Variants in GPC5 observed in about 807,000 individuals in gnomAD.
The protein encoded by GPC5 is glypican 5.
Under a neutral mutation model 53.9 loss-of-function variants are expected in GPC5, and 47 were observed. The ratio of observed to expected loss-of-function variants is 0.87; its 90% CI spans 0.69 to 1.11. The LOEUF is 1.11. GPC5 is among the 50% of genes most tolerant of loss of function. The probability of loss-of-function intolerance (pLI) is 0.00; values close to 1 mark genes in which losing one functional copy is unlikely to be tolerated. For synonymous variants in GPC5, 286 were observed against 263.3 expected, an observed-to-expected ratio of 1.09 and a Z score of -0.84; for missense variants, 748 against 713.1, an observed-to-expected ratio of 1.05 and a Z score of -0.56.
rs1460348690 is a variant in GPC5, at chr13:91,836,300, T to C, written c.1281-71637T>C. On this transcript the variant is annotated intron_variant, in intron 5 of 7. Coordinates refer to ENST00000377067, the MANE Select transcript of GPC5 (RefSeq NM_004466.6). ...CCTCCATTCCTTTTCATTTAAACTT[T>C]TTGGTTTTCATTTGAGATTGTTTTA... is the stretch of plus-strand genomic sequence containing the variant. 8.5e-5 allele frequency among the ~76,000 whole-genome samples: 13 copies of C among 152,088 alleles called. No individual in the cohort carries two copies. The East Asian group carries it at 2.3e-3, about 27-fold the overall frequency.
chr13:91,486,358 A>T (rs1033968671), intron 2 of GPC5: 2 of 152,192 alleles, frequency 1.3e-5, no homozygotes, highest in Non-Finnish European at 2.9e-5. Context: ...TCTTAACTAG[A>T]CATTGGCCTT....
intron 7 of GPC5, among the ~76,000 whole-genome samples, chr13:92,258,143 G>C (rs982211410): frequency 2.0e-5 from 3 of 152,050 alleles, no homozygotes; most frequent in Admixed American, 6.6e-5. Flanking sequence ...AGACCTAAAT[G>C]CCTAGGCTTC....
rs544570887 is a variant in GPC5 at position 91,934,122 on chromosome 13, T to C, written c.1401+26065T>C. Among the ~76,000 whole-genome samples the C allele has an allele frequency of 1.8e-3, 277 of 152,046 alleles. 3 individuals carry two copies. Among genetic ancestry groups the C allele is most frequent in the African/African-American group, 6.2e-3 (258 of 41,536 alleles). ...TTTTAAAAGTGACAAAAGCCACTTT[T>C]ATGAAGTGGCTATAAAACTTCATAG... is the stretch of plus-strand genomic sequence containing the variant. On this transcript the variant is annotated intron_variant, in intron 6 of 7. Coordinates refer to ENST00000377067, the MANE Select transcript of GPC5 (RefSeq NM_004466.6).
chr13:92,348,628 A>G (rs1285515728), intron 7 of GPC5, among the ~76,000 whole-genome samples: 2 of 152,158 alleles, frequency 1.3e-5, no homozygotes, highest in African/African-American at 2.4e-5. Flanking sequence ...AGCATACACA[A>G]TATTCTCAAG....
chr13:91,926,652 G>T (rs1434454970), intron 6 of GPC5, among the ~76,000 whole-genome samples: 2 of 152,140 alleles, frequency 1.3e-5, no homozygotes, highest in Non-Finnish European at 2.9e-5. Flanking sequence ...CTACCCCTTT[G>T]GCTTAAGCAA....
intron 6 of GPC5, among the ~76,000 whole-genome samples, chr13:92,005,942 C>G (rs1240344088): frequency 2.0e-5 from 3 of 152,046 alleles, no homozygotes; most frequent in African/African-American, 7.3e-5. Context: ...TGTGTATTCT[C>G]AAAGAAACTA....
intron 7 of GPC5, among the ~76,000 whole-genome samples, chr13:92,679,044 G>A (rs775659609): frequency 6.6e-5 from 10 of 152,068 alleles, no homozygotes; most frequent in Non-Finnish European, 1.2e-4. Context: ...AGTTTGATGT[G>A]GGAAACAGGT....
At chr13:91,989,847 A>G (rs1192994092) in intron 6 of GPC5, among the ~76,000 whole-genome samples, 1 of 34,602 alleles carries the variant, frequency 2.9e-5, no homozygotes, top group Non-Finnish European at 5.4e-5. Flanking sequence ...TATTGACTAT[A>G]CAGTTATTAC....
At chr13:92,264,462 TTTGCAATGGAG>T (rs906747620) in intron 7 of GPC5, among the ~76,000 whole-genome samples, 9 of 151,974 alleles carry the variant, frequency 5.9e-5, no homozygotes, top group African/African-American at 2.2e-4. Context: ...AGTTTTTGGG[TTTGCAATGGAG>T]TTGCAAGAAG....
intron 7 of GPC5, among the ~76,000 whole-genome samples, chr13:92,392,557 T>C (rs1280870810): frequency 6.6e-6 from 1 of 152,080 alleles, no homozygotes; most frequent in East Asian, 1.9e-4. Context: ...ACAAGTGGGA[T>C]CTAATTCACC....
chr13:92,617,614 A>G (rs1190467251), intron 7 of GPC5, among the ~76,000 whole-genome samples: 1 of 152,042 alleles, frequency 6.6e-6, no homozygotes, highest in African/African-American at 2.4e-5. Flanking sequence ...CTTGATATGT[A>G]TTTATGATTT....
Position 91,693,888 on chromosome 13 carries a change from A to T in GPC5, c.1020+7A>T, listed in dbSNP as rs1181100103. The T allele has an allele frequency of 1.9e-6, 3 of 1,571,304 alleles. No homozygotes were observed. The highest frequency in any genetic ancestry group is 1.7e-5 in the Admixed American group (1 of 58,576). On this transcript the variant is annotated splice_region_variant and intron_variant, in intron 3 of 7. Coordinates refer to ENST00000377067, the MANE Select transcript of GPC5 (RefSeq NM_004466.6). ...ACAAAAATTATTGGAACAGGTAAGT[A>T]GGAGCTCCACATTTTCAGTCTGACT...
chr13:91,973,763 CGGTGGCTG>C (rs1269931060), intron 6 of GPC5, among the ~76,000 whole-genome samples: 6 of 152,122 alleles, frequency 3.9e-5, no homozygotes, highest in Non-Finnish European at 8.8e-5. Context: ...GTGTCAGCAG[CGGTGGCTG>C]CAGAACAGCG....
intron 7 of GPC5, among the ~76,000 whole-genome samples, chr13:92,352,953 T>C (rs868705743): frequency 2.6e-5 from 4 of 152,064 alleles, no homozygotes; most frequent in South Asian, 2.1e-4. Context: ...ATAGCAAAAG[T>C]CTAGAAACAA....
At chr13:92,594,818 G>C (rs1883817379) in intron 7 of GPC5, among the ~76,000 whole-genome samples, 1 of 152,164 alleles carries the variant, frequency 6.6e-6, no homozygotes, top group South Asian at 2.1e-4. Flanking sequence ...AACACAAGAG[G>C]CCCTTAACAT....
chr13:92,479,583 A>G (rs1276068361), intron 7 of GPC5, among the ~76,000 whole-genome samples: 4 of 152,192 alleles, frequency 2.6e-5, no homozygotes, highest in Non-Finnish European at 5.9e-5. Flanking sequence ...AGCTGCAGAC[A>G]TAGTTCCTCC....
intron 7 of GPC5, among the ~76,000 whole-genome samples, chr13:92,636,539 C>T (rs1293908700): frequency 4.6e-5 from 7 of 152,146 alleles, no homozygotes; most frequent in Non-Finnish European, 1.0e-4. Flanking sequence ...CAGAAAATTA[C>T]TTTGGCTGAG....
At chr13:91,730,729 G>T (rs970407649) in intron 4 of GPC5, among the ~76,000 whole-genome samples, 2 of 152,140 alleles carry the variant, frequency 1.3e-5, no homozygotes, top group Non-Finnish European at 2.9e-5. Flanking sequence ...GCTCTTTTGG[G>T]CTATTCTGTA....
intron 7 of GPC5, among the ~76,000 whole-genome samples, chr13:92,168,354 A>C (rs189821536): frequency 6.6e-6 from 1 of 152,340 alleles, no homozygotes; most frequent in Admixed American, 6.5e-5. Context: ...TAGTTAAACT[A>C]TAGAGCTTCC....
Sources: allele counts gnomAD v4.1 joint callset (sites outside exome capture counted in the v4.1 genomes callset), GRCh38; gene constraint gnomAD v4.1.1; transcripts MANE v1.5; gene names NCBI Gene and HGNC (gene_info 2026-07-23, HGNC 2026-07-21).